MATR3: variants seen among roughly 807,000 people sequenced by gnomAD.
MATR3 encodes matrin 3, also known as matrin-3.
MATR3 carries 4 observed loss-of-function variants against 85.5 expected under a neutral mutation model. The ratio of observed to expected loss-of-function variants is 0.05; its 90% CI spans 0.02 to 0.11. The LOEUF is 0.11. MATR3 is among the 10% of genes least tolerant of loss of function. MATR3 has a pLI of 1.00. For missense variants in MATR3, 685 were observed against 1,016.1 expected (o/e 0.67, Z 4.43); for synonymous variants, 336 against 343.1 (o/e 0.98, Z 0.23).
rs77369659 is a variant in MATR3, at chr5:139,315,640, G to C, written c.975-57G>C. On this transcript the variant is annotated intron_variant, in intron 3 of 14. Transcript: ENST00000394805. The stretch of plus-strand genomic sequence containing the variant: ...ATCTCTATTTTAGAGGCCAAACAAG[G>C]CTGTTTTGTGAAAAGGACAGTTTTA... The C allele has an allele frequency of 5.3e-6, 6 of 1,139,394 alleles. No individual in the cohort carries two copies. The African/African-American group carries it at 6.1e-5, about 12-fold the overall frequency. 70.6% of individuals were successfully genotyped at this position (1,139,394 alleles called of 1,614,324 possible). A position where few individuals can be genotyped will look rare whatever the true frequency, so the allele number is the denominator to read the frequency against.
intron 9 of MATR3, 121 bp downstream of exon 9, chr5:139,319,622 C>A: frequency 1.2e-6 from 1 of 817,178 alleles, no homozygotes; most frequent in Non-Finnish European, 2.0e-6. Context: ...CCAAGGCAGG[C>A]AAATCACCTG....
At chr5:139,281,810 A>C (rs1464362997) in intron 3 of MATR3, among the ~76,000 whole-genome samples, 1 of 152,186 alleles carries the variant, frequency 6.6e-6, no homozygotes, top group Non-Finnish European at 1.5e-5. Context: ...TTCAGGTCTT[A>C]GGCCTGTACC....
chr5:139,328,635 C>G (rs1431836169), intron 14 of MATR3, among the ~76,000 whole-genome samples: 2 of 152,316 alleles, frequency 1.3e-5, no homozygotes, highest in Non-Finnish European at 2.9e-5. Context: ...GTAACAAAGA[C>G]TGAATGGCCC....
rs148402819 is a variant in MATR3 at position 139,325,651 on chromosome 5, A to G, written c.2360A>G (p.Asn787Ser). ...DEYRIGPYQP[N>S]VPVGIDYVIP... ...TATAGAATTGGACCATATCAGCCCA[A>G]TGTTCCTGTTGGTGAGATTTAAGTC... The change falls in exon 13 of 15, where the codon AAT (asparagine) becomes AGT (serine). Residue 787 changes from asparagine to serine, a missense_variant. This residue lies in a region of MATR3 where 45 missense variants were observed against 82.5 expected (regional missense o/e 0.55). Coordinates refer to ENST00000394805, the MANE Select transcript of MATR3 (RefSeq NM_018834.6). 345 of 1,613,888 alleles carry G rather than the reference A, an allele frequency of 2.1e-4. No individual in the cohort carries two copies. In the African/African-American group the frequency reaches 3.1e-3, roughly 14 times the overall value.
chr5:139,293,113 A>G (rs967877546), upstream of MATR3, among the ~76,000 whole-genome samples: 12 of 152,208 alleles, frequency 7.9e-5, no homozygotes, highest in South Asian at 2.5e-3. Context: ...TAAAAAAGTT[A>G]GCTGGCCATG....
chr5:139,328,695 G>A (rs559838295), intron 14 of MATR3, among the ~76,000 whole-genome samples: 36 of 152,254 alleles, frequency 2.4e-4, no homozygotes, highest in African/African-American at 8.4e-4. Context: ...TGTTTGTTCA[G>A]GTGATTTAAT....
intron 14 of MATR3, among the ~76,000 whole-genome samples, chr5:139,326,639 G>A (rs1046047515): frequency 6.6e-6 from 1 of 152,014 alleles, no homozygotes; most frequent in Non-Finnish European, 1.5e-5. Flanking sequence ...TAGCCTGGCT[G>A]GTCTTGAACT....
chr5:139,288,087 G>A (rs1326759738), intron 3 of MATR3, among the ~76,000 whole-genome samples: 1 of 152,098 alleles, frequency 6.6e-6, no homozygotes, highest in Non-Finnish European at 1.5e-5. Flanking sequence ...TTGGCGGCGC[G>A]CTTCTGTAGT....
At chr5:139,324,203 A>G (rs1356304976) in intron 12 of MATR3, among the ~76,000 whole-genome samples, 1 of 152,222 alleles carries the variant, frequency 6.6e-6, no homozygotes, top group Non-Finnish European at 1.5e-5. Flanking sequence ...GGAAAATTGA[A>G]ATATGGAGAA....
Position 139,307,096 on chromosome 5 carries a change from TTAAGA to T in MATR3, c.-177-140_-177-136del. ...GGCTCTGCATACATCAGGAATCTGT[TTAAGA>T]TATGTAATAAATTCCTTGTAAGTTT... On this transcript the variant is annotated intron_variant, in intron 1 of 14. Coordinates refer to ENST00000394805, the MANE Select transcript of MATR3 (RefSeq NM_018834.6). The surrounding 1 kb of genome is among the most constrained non-coding windows in gnomAD (Gnocchi z 4.4). 1 of 412,942 alleles carries T rather than the reference TTAAGA, an allele frequency of 2.4e-6. No individual in the cohort carries two copies. The highest frequency in any genetic ancestry group is 3.5e-6 in the Non-Finnish European group (1 of 286,658). 25.6% of individuals were successfully genotyped at this position (412,942 alleles called of 1,614,324 possible). A position where few individuals can be genotyped will look rare whatever the true frequency, so the allele number is the denominator to read the frequency against.
At chr5:139,279,522 T>C (rs113165464) in intron 3 of MATR3, 3 of 179,052 alleles carry the variant, frequency 1.7e-5, no homozygotes, top group African/African-American at 7.3e-5. Context: ...TGTTTGTTTT[T>C]TGAGACGGAG....
Position 139,317,056 on chromosome 5 carries a change from C to T in MATR3, c.1133C>T (p.Ala378Val). 1 of 1,613,876 alleles carries T rather than the reference C, an allele frequency of 6.2e-7. No homozygotes were observed. Among genetic ancestry groups the T allele is most frequent in the Non-Finnish European group, 8.5e-7 (1 of 1,179,854 alleles). Residue 378 changes from alanine (A) to valine (V), a missense_variant, in exon 6 of 15, where the codon GCT (alanine) becomes GTT (valine). Around this residue, in one of 9 missense-constraint regions of MATR3, gnomAD observed 223 missense variants for 334.4 expected, o/e 0.67. Transcript: ENST00000394805. ...AAAACTTTCTCTTCCCATAAAGGTGCTGGAAATGGAAACCTGCAAGGACCT... is the reference window on the plus strand; with the variant it reads ...AAAACTTTCTCTTCCCATAAAGGTGTTGGAAATGGAAACCTGCAAGGACCT... ...PAVGPRGNLG[A>V]GNGNLQGPRH...
chr5:139,330,903 A>T lies in MATR3; in HGVS notation c.*1508A>T, dbSNP rs992437608. 1 of 453,770 alleles carries T rather than the reference A, an allele frequency of 2.2e-6. No individual in the cohort carries two copies. Among genetic ancestry groups the T allele is most frequent in the Non-Finnish European group, 4.4e-6 (1 of 226,660 alleles). 28.1% of individuals were successfully genotyped at this position (453,770 alleles called of 1,614,324 possible). A position where few individuals can be genotyped will look rare whatever the true frequency, so the allele number is the denominator to read the frequency against. On this transcript the variant is annotated 3_prime_UTR_variant, in exon 15 of 15. Coordinates refer to ENST00000394805, the MANE Select transcript of MATR3 (RefSeq NM_018834.6). ...GCCTTTGGGCTCAAATGACCCTCCT[A>T]CCTCAGTCTCCTGAGTAGCTGGGAC... is the stretch of plus-strand genomic sequence containing the variant.
At chr5:139,298,921 A>G (rs528551460) in intron 1 of MATR3, among the ~76,000 whole-genome samples, 2 of 152,350 alleles carry the variant, frequency 1.3e-5, no homozygotes, top group South Asian at 4.1e-4. Flanking sequence ...TGCAGTGAAA[A>G]TGTAGGTTTA....
intron 6 of MATR3, 32 bp downstream of exon 6, chr5:139,317,137 T>G: frequency 6.2e-7 from 1 of 1,606,014 alleles, no homozygotes; most frequent in Non-Finnish European, 8.5e-7. Flanking sequence ...TTTACTGTAT[T>G]TATGATTTTT....
At chr5:139,306,341 CTG>C (rs1417840527) in intron 1 of MATR3, among the ~76,000 whole-genome samples, 1 of 152,138 alleles carries the variant, frequency 6.6e-6, no homozygotes, top group African/African-American at 2.4e-5. Flanking sequence ...TTACAGGAAA[CTG>C]TGTAACCAAG....
chr5:139,312,189 T>C (rs1285455633), intron 2 of MATR3: 1 of 152,230 alleles, frequency 6.6e-6, no homozygotes, highest in Non-Finnish European at 1.5e-5. Context: ...CACGCTGAAG[T>C]GCGCTTAGGT....
chr5:139,284,348 T>C (rs1175414642), intron 3 of MATR3, among the ~76,000 whole-genome samples: 1 of 152,172 alleles, frequency 6.6e-6, no homozygotes. Context: ...CGCGGTTGCC[T>C]ATAATCCCAA....
At position 139,322,801 on chromosome 5, in the gene MATR3, A is replaced by G. The variant is rs1465011481; in HGVS notation, c.1982A>G (p.Asp661Gly). 2 of 1,614,234 alleles carry G rather than the reference A, an allele frequency of 1.2e-6. No individual in the cohort carries two copies. Among genetic ancestry groups the G allele is most frequent in the Non-Finnish European group, 1.7e-6 (2 of 1,180,040 alleles). ...LLESEDELLV[D>G]EEEAAALLES... The stretch of plus-strand genomic sequence containing the variant: ...GAATCTGAAGATGAGCTACTTGTAG[A>G]TGAAGAAGAAGCAGCAGCACTGCTA... Residue 661 changes from aspartate to glycine, a missense_variant, in exon 12 of 15, where the codon GAT becomes GGT. Physicochemically the swap from Asp to Gly is moderately conservative, Grantham distance 94 (BLOSUM62 -1). Transcript: ENST00000394805.
Sources: allele counts gnomAD v4.1 joint callset (sites outside exome capture counted in the v4.1 genomes callset), GRCh38; gene constraint gnomAD v4.1.1; regional missense constraint gnomAD v4.1.1; non-coding constraint Gnocchi (gnomAD v3.1); transcripts MANE v1.5; gene names NCBI Gene and HGNC (gene_info 2026-07-23, HGNC 2026-07-21).